Variants in RNF213 observed in about 807,000 individuals in gnomAD.
The protein encoded by RNF213 is E3 ubiquitin-protein ligase RNF213.
A neutral mutation model predicts 514.4 loss-of-function variants in RNF213; 341 were observed. That is an observed-to-expected ratio of 0.66 (90% confidence interval 0.61 to 0.73). The LOEUF is 0.73. RNF213 is among the 30% of genes least tolerant of loss of function. The probability of loss-of-function intolerance (pLI) is 0.00; values close to 1 mark genes in which losing one functional copy is unlikely to be tolerated. For synonymous variants in RNF213, 2,655 were observed against 2,658.2 expected, an observed-to-expected ratio of 1.00 and a Z score of 0.04; for missense variants, 5,767 against 6,615.6, an observed-to-expected ratio of 0.87 and a Z score of 4.45.
At chr17:80,382,945 T>G in intron 57 of RNF213, 34 bp from the exon 58 acceptor site, 1 of 1,381,732 alleles carries the variant, frequency 7.2e-7, no homozygotes, top group Non-Finnish European at 1.0e-6. Context: ...TCTTTGTGCC[T>G]TGGGTAACCT....
At chr17:80,364,361 C>A (rs190870623) in intron 41 of RNF213, 72 bp from the exon 42 acceptor site, 3 of 1,610,138 alleles carry the variant, frequency 1.9e-6, no homozygotes, top group African/African-American at 2.7e-5. Context: ...TCTCCCGTCT[C>A]CCTCCTCGTT....
Position 80,313,234 on chromosome 17 carries a change from CAT to C in RNF213, c.2811+68_2811+69del. 3 of 1,596,818 alleles carry C rather than the reference CAT, an allele frequency of 1.9e-6. No homozygotes were observed. The Middle Eastern group carries it at 5.0e-4, about 264-fold the overall frequency. ...ATCGTGATTCCTCATGGCCTCAAATCATGGGGTACAGGCTGCTGGCCAGGGGC... is the reference window on the plus strand; with the variant it reads ...ATCGTGATTCCTCATGGCCTCAAATCGGGGTACAGGCTGCTGGCCAGGGGC... On this transcript the variant is annotated intron_variant, in intron 15 of 67. Transcript: ENST00000582970.
chr17:80,275,094 G>A (rs2044005435), intron 3 of RNF213, among the ~76,000 whole-genome samples: 1 of 143,188 alleles, frequency 7.0e-6, no homozygotes, highest in Non-Finnish European at 1.5e-5. Flanking sequence ...TGTGTTGGGT[G>A]TGTGTGTGTT....
At chr17:80,337,522 G>T in intron 23 of RNF213, 64 bp from the exon 24 acceptor site, 1 of 1,519,442 alleles carries the variant, frequency 6.6e-7, no homozygotes, top group South Asian at 1.2e-5. Context: ...GCCGACCACA[G>T]GAGGGAGAAG....
At position 80,344,012 on chromosome 17, in the gene RNF213, G is replaced by A. The variant is rs1402759891; in HGVS notation, c.6339G>A (p.Ala2113=). ...RTSVPSRSSS[A]LRTRVPQFSF... ...CAGTGCCGTCGAGGAGCTCTTCAGC[G>A]CTGGTCTGTACTGTGGGGCGTTTTC... The change falls in exon 28 of 68, where the codon GCG becomes GCA. Residue 2113 remains alanine, a synonymous_variant. Coordinates refer to ENST00000582970, the MANE Select transcript of RNF213 (RefSeq NM_001256071.3). The A allele has an allele frequency of 4.5e-5, 72 of 1,614,010 alleles. No homozygotes were observed. Among genetic ancestry groups the A allele is most frequent in the Non-Finnish European group, 5.7e-5 (67 of 1,180,014 alleles).
At chr17:80,295,396 A>G (rs1039761013) in intron 9 of RNF213, among the ~76,000 whole-genome samples, 161 bp from the exon 10 acceptor site, 1 of 152,178 alleles carries the variant, frequency 6.6e-6, no homozygotes, top group African/African-American at 2.4e-5. Context: ...CCCTCATGCC[A>G]GGGTCTTGGC....
At position 80,340,217 on chromosome 17, in the gene RNF213, C is replaced by T; in HGVS notation, c.5850C>T (p.Val1950=). ...CCTTCAGCCAGCACAAGGTCTTCGTCACCCCCCAGGCACCCCTCGAGGCCA... is the reference window on the plus strand; with the variant it reads ...CCTTCAGCCAGCACAAGGTCTTCGTTACCCCCCAGGCACCCCTCGAGGCCA... ...PSAFSQHKVF[V]TPQAPLEAIQ... Residue 1950 remains valine, a synonymous_variant, in exon 26 of 68, where the codon GTC becomes GTT. Coordinates refer to ENST00000582970, the MANE Select transcript of RNF213 (RefSeq NM_001256071.3). 6.2e-7 allele frequency: 1 copy of T among 1,614,196 alleles called. No homozygotes were observed. The highest frequency in any genetic ancestry group is 1.1e-5 in the South Asian group (1 of 91,086).
At chr17:80,372,830 A>G (rs545946438) in intron 48 of RNF213, 96 bp downstream of exon 48, 1 of 1,398,754 alleles carries the variant, frequency 7.1e-7, no homozygotes, top group Non-Finnish European at 9.9e-7. Flanking sequence ...ATAGACTACT[A>G]CTGGGCTTTT....
At chr17:80,286,506 GCCT>G (rs914229831) in intron 3 of RNF213, among the ~76,000 whole-genome samples, 6 of 152,258 alleles carry the variant, frequency 3.9e-5, no homozygotes, top group African/African-American at 1.4e-4. Context: ...TGGGAACGCA[GCCT>G]CCTCCTTGGG....
Position 80,347,201 on chromosome 17 carries a change from T to G in RNF213, c.8866T>G (p.Tyr2956Asp). Residue 2956 changes from tyrosine to aspartate, a missense_variant, in exon 29 of 68, where the codon TAC becomes GAC. Physicochemically the swap from Tyr to Asp is radical, Grantham distance 160. This residue lies in a region of RNF213 where 919 missense variants were observed against 1,121.0 expected (regional missense o/e 0.82). Transcript: ENST00000582970. This position sits in a 1 kb window ranked among gnomAD's most constrained non-coding sequence, Gnocchi z 7.2. ...QDKEFFGLRDYYSLIKMVFAA... is the reference protein window; with the variant it reads ...QDKEFFGLRDDYSLIKMVFAA... Reference sequence around the variant, plus strand: ...CAAGGAATTCTTCGGGCTTCGTGACTACTACAGCCTCATCAAAATGGTCTT... The same window carrying G: ...CAAGGAATTCTTCGGGCTTCGTGACGACTACAGCCTCATCAAAATGGTCTT... 8 of 1,613,664 alleles carry G rather than the reference T, an allele frequency of 5.0e-6. No individual in the cohort carries two copies. The highest frequency in any genetic ancestry group is 6.8e-6 in the Non-Finnish European group (8 of 1,179,876).
At chr17:80,387,939 G>A (rs2080304221) in intron 63 of RNF213, among the ~76,000 whole-genome samples, 1 of 149,738 alleles carries the variant, frequency 6.7e-6, no homozygotes, top group Non-Finnish European at 1.5e-5. Context: ...GCCAGGAACT[G>A]TGAGAGCCCA....
intron 8 of RNF213, among the ~76,000 whole-genome samples, chr17:80,293,088 C>T (rs772501643): frequency 3.3e-5 from 5 of 151,958 alleles, no homozygotes; most frequent in African/African-American, 7.3e-5. Flanking sequence ...GACAGGATCT[C>T]GCTCTGTCAC....
chr17:80,273,245 T>A lies in RNF213; in HGVS notation c.102T>A (p.Ser34=). Residue 34 remains serine, a synonymous_variant, in exon 3 of 68, where the codon TCT becomes TCA. Coordinates refer to ENST00000582970, the MANE Select transcript of RNF213 (RefSeq NM_001256071.3). ...RLPPAAPIAD[S]ENNNSTMASA... Reference sequence around the variant, plus strand: ...TTCCTTCATCTGCCGTTACAGATTCTGAGAACAATAACTCCACAATGGCGT... The same window carrying A: ...TTCCTTCATCTGCCGTTACAGATTCAGAGAACAATAACTCCACAATGGCGT... The A allele has an allele frequency of 2.5e-6, 4 of 1,613,542 alleles. No homozygotes were observed. The Middle Eastern group carries it at 6.6e-4, about 266-fold the overall frequency.
intron 60 of RNF213, 132 bp from the exon 61 acceptor site, chr17:80,385,406 C>A (rs1262107083): frequency 1.1e-6 from 1 of 912,638 alleles, no homozygotes. Flanking sequence ...CTCCTTCAAA[C>A]AGCACCTCAG....
intron 23 of RNF213, chr17:80,336,695 C>T (rs2077996842): frequency 2.8e-6 from 1 of 363,110 alleles, no homozygotes; most frequent in African/African-American, 2.1e-5. Flanking sequence ...TATTCTGTTA[C>T]TTTTTGTTAT....
chr17:80,281,588 CT>C (rs2044295705), intron 3 of RNF213, among the ~76,000 whole-genome samples: 1 of 58,716 alleles, frequency 1.7e-5, no homozygotes, highest in Non-Finnish European at 4.3e-5. Flanking sequence ...CACTCACACA[CT>C]GCCAACACAC....
In RNF213 at chr17:80,295,706, T is replaced by C. The variant is rs777435610; in HGVS notation, c.1905T>C (p.Leu635=). The C allele has an allele frequency of 9.3e-6, 15 of 1,614,140 alleles. No homozygotes were observed. Among genetic ancestry groups the C allele is most frequent in the Non-Finnish European group, 1.3e-5 (15 of 1,180,016 alleles). Residue 635 remains leucine (L), a synonymous_variant, in exon 10 of 68, where the codon CTT becomes CTC. Transcript: ENST00000582970. ...TTTTTGTAGTGGAAAAAATTGAGCTTTTATTAGAAGGCAGCCTGGACTGGT... is the reference window on the plus strand; with the variant it reads ...TTTTTGTAGTGGAAAAAATTGAGCTCTTATTAGAAGGCAGCCTGGACTGGT... ...IVLFVVEKIE[L]LLEGSLDWLC...
chr17:80,385,978 G>A (rs1279654420), intron 61 of RNF213, among the ~76,000 whole-genome samples: 1 of 152,148 alleles, frequency 6.6e-6, no homozygotes, highest in Non-Finnish European at 1.5e-5. Flanking sequence ...CACTGTTAAC[G>A]CTTAACTTGT....
intron 17 of RNF213, among the ~76,000 whole-genome samples, chr17:80,322,272 C>T (rs2046165376): frequency 6.8e-6 from 1 of 146,978 alleles, no homozygotes; most frequent in East Asian, 2.1e-4. Context: ...GTGGTCCTCC[C>T]ACTTTAGCCT....
Sources: allele counts gnomAD v4.1 joint callset (sites outside exome capture counted in the v4.1 genomes callset), GRCh38; gene constraint gnomAD v4.1.1; regional missense constraint gnomAD v4.1.1; non-coding constraint Gnocchi (gnomAD v3.1); transcripts MANE v1.5; gene names NCBI Gene and HGNC (gene_info 2026-07-23, HGNC 2026-07-21).